Variants in LMBRD1 observed in about 807,000 individuals in gnomAD.
LMBRD1 encodes the protein lysosomal cobalamin transport escort protein LMBD1.
A neutral mutation model predicts 74.8 loss-of-function variants in LMBRD1; 64 were observed. The observed-to-expected ratio is 0.86, with a 90% CI of 0.70 to 1.05. The LOEUF (loss-of-function observed/expected upper bound fraction) is 1.05, where lower values mean the gene tolerates loss of function less well. LMBRD1 is among the 50% of genes least tolerant of loss of function. The pLI is 0.00. For synonymous variants in LMBRD1, 204 were observed against 216.3 expected (o/e 0.94, Z 0.50); for missense variants, 652 against 645.9 (o/e 1.01, Z -0.10).
Position 69,679,858 on chromosome 6 carries a change from C to A in LMBRD1, c.1418-3317G>T, listed in dbSNP as rs2149834018. 2.0e-5 allele frequency among the ~76,000 whole-genome samples: 3 copies of A among 152,158 alleles called. No individual in the cohort carries two copies. The South Asian group carries it at 6.2e-4, about 32-fold the overall frequency. On this transcript the variant is annotated intron_variant, in intron 14 of 15. Transcript: ENST00000649934. ...TCATATGACATATACATCAAAAGCC[C>A]CAGGCAAAGTGGCGCTTAATATTAA...
At chr6:69,691,953 T>C (rs2149839719) in intron 14 of LMBRD1, among the ~76,000 whole-genome samples, 1 of 152,070 alleles carries the variant, frequency 6.6e-6, no homozygotes, top group East Asian at 1.9e-4. Flanking sequence ...GAATCACCTC[T>C]TGATGATGGC....
chr6:69,691,780 G>T (rs1407684809), intron 14 of LMBRD1, among the ~76,000 whole-genome samples: 1 of 150,624 alleles, frequency 6.6e-6, no homozygotes, highest in East Asian at 2.0e-4. Flanking sequence ...GGAGGCTGAG[G>T]CAGGAGAATG....
chr6:69,748,619 G>T (rs907470855), intron 5 of LMBRD1, among the ~76,000 whole-genome samples: 1 of 151,912 alleles, frequency 6.6e-6, no homozygotes, highest in Non-Finnish European at 1.5e-5. Flanking sequence ...TGAAAATTGT[G>T]AGACTAAATT....
chr6:69,718,901 A>C, intron 8 of LMBRD1, 55 bp downstream of exon 8: 1 of 1,591,682 alleles, frequency 6.3e-7, no homozygotes, highest in Non-Finnish European at 8.6e-7. Context: ...ATCAGAAAGC[A>C]GCTCTAAGAC....
At chr6:69,707,441 T>C (rs774189947) in intron 9 of LMBRD1, among the ~76,000 whole-genome samples, 1 of 152,214 alleles carries the variant, frequency 6.6e-6, no homozygotes, top group Non-Finnish European at 1.5e-5. Context: ...GCACTGTATC[T>C]ACCATAAAAT....
chr6:69,719,109 A>C, intron 7 of LMBRD1, 28 bp from the exon 8 acceptor site: 1 of 1,600,566 alleles, frequency 6.2e-7, no homozygotes, highest in South Asian at 1.1e-5. Flanking sequence ...GAAATGTTTT[A>C]GAAATAATGT....
intron 14 of LMBRD1, among the ~76,000 whole-genome samples, chr6:69,680,447 G>C (rs1404539917): frequency 1.1e-4 from 16 of 152,092 alleles, no homozygotes; most frequent in Admixed American, 1.0e-3. Flanking sequence ...GCAGAAGCAA[G>C]ATAAATCAAA....
chr6:69,750,580 T>G (rs1243391815), intron 4 of LMBRD1, among the ~76,000 whole-genome samples: 3 of 152,116 alleles, frequency 2.0e-5, no homozygotes, highest in Admixed American at 6.5e-5. Flanking sequence ...TTTCACATAG[T>G]TCTTATTCAC....
chr6:69,729,266 C>G, intron 7 of LMBRD1, among the ~76,000 whole-genome samples: 1 of 148,992 alleles, frequency 6.7e-6, no homozygotes, highest in East Asian at 1.9e-4. Context: ...CTTCAGGTCT[C>G]GGTTTAATTA....
chr6:69,779,118 G>A (rs976790069), intron 3 of LMBRD1, among the ~76,000 whole-genome samples: 19 of 150,696 alleles, frequency 1.3e-4, no homozygotes, highest in African/African-American at 2.2e-4. Context: ...CCCATGAGGC[G>A]GAGGCTGCAG....
At chr6:69,679,527 A>C (rs1213764136) in intron 14 of LMBRD1, among the ~76,000 whole-genome samples, 4 of 152,114 alleles carry the variant, frequency 2.6e-5, no homozygotes, top group African/African-American at 4.8e-5. Flanking sequence ...ATGACTGTTG[A>C]CGTTAAAAGG....
At chr6:69,726,378 A>G (rs377715742) in intron 7 of LMBRD1, among the ~76,000 whole-genome samples, 68 of 152,370 alleles carry the variant, frequency 4.5e-4, no homozygotes, top group African/African-American at 1.5e-3. Flanking sequence ...ACTATTTGGC[A>G]CATACTCAAA....
intron 3 of LMBRD1, 42 bp from the exon 4 acceptor site, chr6:69,752,398 T>C (rs771452704): frequency 2.7e-6 from 4 of 1,477,328 alleles, no homozygotes; most frequent in Non-Finnish European, 3.8e-6. Flanking sequence ...TAAATACATA[T>C]GTACTTAATC....
chr6:69,713,669 A>G lies in LMBRD1; in HGVS notation c.891T>C (p.Phe297=). 1.9e-6 allele frequency: 3 copies of G among 1,613,584 alleles called. No individual in the cohort carries two copies. Among genetic ancestry groups the G allele is most frequent in the Non-Finnish European group, 2.5e-6 (3 of 1,179,636 alleles). ...CCTTCAGGGGACGCAGAGCGCCACA[A>G]AATTTTGTCCACCAGCTGTTTTCAA... ...EFIENSWWTK[F]CGALRPLKIV... The change falls in exon 9 of 16, where the codon TTT becomes TTC. Residue 297 remains phenylalanine, a synonymous_variant. Transcript: ENST00000649934.
At position 69,768,385 on chromosome 6, in the gene LMBRD1, G is replaced by A. The variant is rs111625484; in HGVS notation, c.307+12109C>T. ...GTCATTTTCTTAGTGGTTGCTATAG[G>A]AATTATACTACATACCTTAATTTAT... On this transcript the variant is annotated intron_variant, in intron 3 of 15. Transcript: ENST00000649934. Among the ~76,000 whole-genome samples the A allele has an allele frequency of 5.0e-3, 758 of 151,588 alleles. 5 individuals are homozygous for A. The highest frequency in any genetic ancestry group is 0.014 in the African/African-American group (600 of 41,400).
chr6:69,685,223 G>T (rs888015201), intron 14 of LMBRD1, among the ~76,000 whole-genome samples: 1 of 152,056 alleles, frequency 6.6e-6, no homozygotes, highest in Non-Finnish European at 1.5e-5. Flanking sequence ...AAATGGGAGG[G>T]GTAGGGCGAA....
intron 9 of LMBRD1, among the ~76,000 whole-genome samples, chr6:69,703,405 T>C (rs1766176616): frequency 1.4e-5 from 2 of 147,948 alleles, no homozygotes; most frequent in African/African-American, 2.6e-5. Flanking sequence ...GAACATGATA[T>C]AGAAACAGCA....
rs1765508399 is a variant in LMBRD1, at chr6:69,674,530, C to G, written c.*1628G>C. On this transcript the variant is annotated 3_prime_UTR_variant, in exon 16 of 16. Transcript: ENST00000649934. The stretch of plus-strand genomic sequence containing the variant: ...TCAAAAAAATGAATGCAGAAGAAGG[C>G]TTAGTTTGCCCCCACAAAAGTGAAT... Among the ~76,000 whole-genome samples the G allele has an allele frequency of 6.6e-6, 1 of 152,146 alleles. No individual in the cohort carries two copies. Among genetic ancestry groups the G allele is most frequent in the Non-Finnish European group, 1.5e-5 (1 of 68,028 alleles).
chr6:69,762,303 T>C (rs529458398), intron 3 of LMBRD1, among the ~76,000 whole-genome samples: 20 of 152,054 alleles, frequency 1.3e-4, no homozygotes, highest in Non-Finnish European at 2.8e-4. Flanking sequence ...ATATAGGAAA[T>C]TTAACTTTTT....
Sources: allele counts gnomAD v4.1 joint callset (sites outside exome capture counted in the v4.1 genomes callset), GRCh38; gene constraint gnomAD v4.1.1; transcripts MANE v1.5; gene names NCBI Gene and HGNC (gene_info 2026-07-23, HGNC 2026-07-21).